Variants in CHODL observed in about 807,000 individuals in gnomAD.
CHODL encodes the protein transmembrane protein MT75.
In CHODL, 29 loss-of-function variants were observed where a neutral mutation model predicts 34.5. The ratio of observed to expected loss-of-function variants is 0.84; its 90% confidence interval spans 0.63 to 1.15. The LOEUF (loss-of-function observed/expected upper bound fraction) is 1.15. Ranked by LOEUF, CHODL falls within the 50% of genes most tolerant of loss-of-function variation. CHODL has a pLI of 0.00. For missense variants in CHODL, 332 were observed against 332.5 expected (o/e 1.00, Z 0.01); for synonymous variants, 125 against 116.1 (o/e 1.08, Z -0.49).
intron 2 of CHODL, among the ~76,000 whole-genome samples, chr21:18,127,920 G>C (rs2072595453): frequency 6.6e-6 from 1 of 151,832 alleles, no homozygotes; most frequent in Non-Finnish European, 1.5e-5. Context: ...TGAAGGAGAG[G>C]AGACAGAGAA....
At position 18,191,036 on chromosome 21, in the gene CHODL, C is replaced by G. The variant is rs193270734; in HGVS notation, c.-44-65473C>G. 2.1e-3 allele frequency among the ~76,000 whole-genome samples: 326 copies of G among 152,132 alleles called. 7 individuals carry two copies. The highest frequency in any genetic ancestry group is 0.021 in the Admixed American group (315 of 15,274). ...TATTTGTGTCAACCCAGTAATAACC[C>G]CCTGATTTCTTCAGAGAAGAGTTTG... On this transcript the variant is annotated intron_variant, in intron 2 of 6. Transcript: ENST00000400127.
rs1035353740 is a variant in CHODL, at chr21:18,094,960, C to G, written c.-45+66989C>G. On this transcript the variant is annotated intron_variant, in intron 2 of 6. Transcript: ENST00000400127. Reference sequence around the variant, plus strand: ...CCAAAATGGTGAAACCCCATCTCTACTAAAAATAAAAAAATTAGCTGGGTG... The same window carrying G: ...CCAAAATGGTGAAACCCCATCTCTAGTAAAAATAAAAAAATTAGCTGGGTG... Among the ~76,000 whole-genome samples the G allele has an allele frequency of 2.0e-5, 3 of 151,806 alleles. No individual in the cohort carries two copies. The East Asian group carries it at 5.8e-4, about 29-fold the overall frequency.
chr21:18,041,212 G>C (rs139035207), intron 2 of CHODL, among the ~76,000 whole-genome samples: 23 of 151,952 alleles, frequency 1.5e-4, no homozygotes, highest in African/African-American at 4.6e-4. Flanking sequence ...ACAGACACAA[G>C]GTGGCGTTAT....
At chr21:18,144,380 G>A (rs1038997636) in intron 2 of CHODL, among the ~76,000 whole-genome samples, 1 of 152,066 alleles carries the variant, frequency 6.6e-6, no homozygotes, top group Non-Finnish European at 1.5e-5. Flanking sequence ...ACAATTAGGA[G>A]AATTTGTACA....
At chr21:18,047,985 T>G (rs1340653678) in intron 2 of CHODL, among the ~76,000 whole-genome samples, 1 of 151,948 alleles carries the variant, frequency 6.6e-6, no homozygotes, top group Admixed American at 6.6e-5. Flanking sequence ...GTGCTGTATC[T>G]CTTCAGTCTA....
intron 2 of CHODL, among the ~76,000 whole-genome samples, chr21:18,220,586 G>T (rs551936824): frequency 6.6e-5 from 10 of 152,030 alleles, no homozygotes; most frequent in African/African-American, 2.4e-4. Context: ...ATTTCTTGTA[G>T]GCCTGATCTA....
intron 1 of CHODL, among the ~76,000 whole-genome samples, chr21:17,971,731 G>A (rs2063616465): frequency 6.6e-6 from 1 of 152,110 alleles, no homozygotes; most frequent in Non-Finnish European, 1.5e-5. Flanking sequence ...GGTACAGAGA[G>A]GAGCTGGTAC....
chr21:18,039,072 A>G (rs981215297), intron 2 of CHODL, among the ~76,000 whole-genome samples: 1 of 151,628 alleles, frequency 6.6e-6, no homozygotes, highest in African/African-American at 2.4e-5. Context: ...TTTTCATTCC[A>G]TCCCATTTTG....
At chr21:18,096,797 A>G (rs1376976353) in intron 2 of CHODL, among the ~76,000 whole-genome samples, 1 of 151,890 alleles carries the variant, frequency 6.6e-6, no homozygotes, top group Non-Finnish European at 1.5e-5. Context: ...GAAGCATGTG[A>G]TCTCTGTGAC....
chr21:18,260,016 A>G (rs1394652235), intron 3 of CHODL, among the ~76,000 whole-genome samples, 184 bp from the exon 4 acceptor site: 1 of 152,214 alleles, frequency 6.6e-6, no homozygotes, highest in Non-Finnish European at 1.5e-5. Context: ...AAGAGAATTA[A>G]ATGTTGACTT....
chr21:17,978,771 A>G (rs968395074), intron 1 of CHODL, among the ~76,000 whole-genome samples: 9 of 151,742 alleles, frequency 5.9e-5, no homozygotes, highest in African/African-American at 2.2e-4. Context: ...AAAGATGTCA[A>G]CCTCTGGACT....
At chr21:17,930,617 C>T (rs1311646453) in intron 1 of CHODL, among the ~76,000 whole-genome samples, 1 of 152,326 alleles carries the variant, frequency 6.6e-6, no homozygotes, top group East Asian at 1.9e-4. Flanking sequence ...TTTGCTGGTC[C>T]GGTCCTGGTT....
intron 1 of CHODL, among the ~76,000 whole-genome samples, chr21:18,008,319 TG>T: frequency 6.7e-6 from 1 of 149,398 alleles, no homozygotes; most frequent in Non-Finnish European, 1.5e-5. Flanking sequence ...TGTTTGTGTG[TG>T]TGTGTGTGTG....
At chr21:18,084,357 G>A (rs955109338) in intron 2 of CHODL, among the ~76,000 whole-genome samples, 1 of 152,008 alleles carries the variant, frequency 6.6e-6, no homozygotes, top group African/African-American at 2.4e-5. Flanking sequence ...TGTGATGTTA[G>A]GTTTTTAATT....
At chr21:18,206,459 G>A (rs1292553291) in intron 2 of CHODL, among the ~76,000 whole-genome samples, 1 of 151,524 alleles carries the variant, frequency 6.6e-6, no homozygotes, top group Non-Finnish European at 1.5e-5. Context: ...ATCTACTTCT[G>A]CTCTTTTTTG....
intron 1 of CHODL, among the ~76,000 whole-genome samples, chr21:17,953,419 A>G (rs1482219401): frequency 6.6e-6 from 1 of 152,118 alleles, no homozygotes; most frequent in African/African-American, 2.4e-5. Flanking sequence ...GTGAGCCACG[A>G]TTGTGCCACT....
At chr21:18,232,623 C>T (rs1568947107) in intron 2 of CHODL, among the ~76,000 whole-genome samples, 1 of 152,008 alleles carries the variant, frequency 6.6e-6, no homozygotes, top group African/African-American at 2.4e-5. Context: ...GGGGAGCAAA[C>T]ATTCAGACGA....
chr21:18,222,645 T>C (rs75829226), intron 2 of CHODL, among the ~76,000 whole-genome samples: 11,634 of 152,148 alleles, frequency 0.076, 555 homozygotes, highest in African/African-American at 0.13. Context: ...TCGAGTTGAT[T>C]TGGCCAGCTG....
intron 2 of CHODL, among the ~76,000 whole-genome samples, chr21:18,158,861 A>G (rs1204770901): frequency 6.6e-6 from 1 of 151,130 alleles, no homozygotes; most frequent in African/African-American, 2.4e-5. Flanking sequence ...AAAAAGAAGA[A>G]GAAAAGAAAG....
Sources: allele counts gnomAD v4.1 joint callset (sites outside exome capture counted in the v4.1 genomes callset), GRCh38; gene constraint gnomAD v4.1.1; transcripts MANE v1.5; gene names NCBI Gene and HGNC (gene_info 2026-07-23, HGNC 2026-07-21).